The following HDAC9 variants were observed in gnomAD, a reference collection of about 807,000 sequenced individuals.
HDAC9 encodes MEF-2 interacting transcription repressor (MITR) protein.
Under a neutral mutation model 139.4 loss-of-function variants are expected in HDAC9, and 41 were observed. The observed-to-expected ratio is 0.29, with a 90% CI of 0.23 to 0.38. The LOEUF is 0.38. Among genes scored for constraint, HDAC9 ranks in the 10% least tolerant of loss-of-function variants. The probability of loss-of-function intolerance (pLI) is 1.00; values close to 1 mark genes in which losing one functional copy is unlikely to be tolerated. For synonymous variants in HDAC9, 517 were observed against 476.2 expected (o/e 1.09, Z -1.12); for missense variants, 1,147 against 1,297.0 (o/e 0.88, Z 1.78).
At chr7:18,308,776 A>G (rs1238537339) in intron 1 of HDAC9, among the ~76,000 whole-genome samples, 1 of 152,198 alleles carries the variant, frequency 6.6e-6, no homozygotes, top group Non-Finnish European at 1.5e-5. Flanking sequence ...ATTTTCTCTT[A>G]TTCTTGCTGT....
intron 16 of HDAC9, among the ~76,000 whole-genome samples, chr7:18,782,791 A>G (rs1201318705): frequency 1.3e-5 from 2 of 151,946 alleles, no homozygotes; most frequent in Non-Finnish European, 2.9e-5. Flanking sequence ...GTATTGACTG[A>G]TTGAATGCTA....
At chr7:18,823,773 G>C (rs1795165443) in intron 17 of HDAC9, among the ~76,000 whole-genome samples, 1 of 151,940 alleles carries the variant, frequency 6.6e-6, no homozygotes. Flanking sequence ...GAGCTCAGGA[G>C]TTTGAGACCA....
At chr7:18,919,167 C>T (rs986166049) in intron 22 of HDAC9, among the ~76,000 whole-genome samples, 2 of 151,980 alleles carry the variant, frequency 1.3e-5, no homozygotes, top group Non-Finnish European at 1.5e-5. Context: ...GTCAGAAGGG[C>T]GCTTATGTAT....
intron 12 of HDAC9, among the ~76,000 whole-genome samples, chr7:18,719,874 C>T (rs986531949): frequency 1.1e-4 from 17 of 152,086 alleles, no homozygotes; most frequent in Non-Finnish European, 2.2e-4. Context: ...TTACAAAGTC[C>T]TTCATGGAGG....
intron 1 of HDAC9, among the ~76,000 whole-genome samples, chr7:18,377,718 G>A (rs935814627): frequency 2.0e-5 from 3 of 152,090 alleles, no homozygotes; most frequent in African/African-American, 7.2e-5. Flanking sequence ...ATATTGAGCA[G>A]TTGTTCTGAT....
At chr7:18,564,018 G>T (rs1465802279) in intron 2 of HDAC9, among the ~76,000 whole-genome samples, 6 of 151,892 alleles carry the variant, frequency 4.0e-5, no homozygotes, top group Non-Finnish European at 8.8e-5. Flanking sequence ...TGTATTTTTA[G>T]TAGAGACAGG....
At chr7:18,745,508 A>C (rs1234710118) in intron 13 of HDAC9, among the ~76,000 whole-genome samples, 1 of 150,470 alleles carries the variant, frequency 6.6e-6, no homozygotes, top group Non-Finnish European at 1.5e-5. Context: ...AAGTTAAGCA[A>C]TGTAATGATT....
chr7:18,932,556 T>G (rs1804837999), intron 22 of HDAC9, among the ~76,000 whole-genome samples: 1 of 152,100 alleles, frequency 6.6e-6, no homozygotes, highest in African/African-American at 2.4e-5. Flanking sequence ...ACATTAATAA[T>G]CTACTGCATA....
At chr7:18,896,140 T>C (rs1431028526) in intron 22 of HDAC9, among the ~76,000 whole-genome samples, 1 of 152,064 alleles carries the variant, frequency 6.6e-6, no homozygotes, top group African/African-American at 2.4e-5. Context: ...ATATGATCTG[T>C]TGACGTTTAA....
intron 24 of HDAC9, among the ~76,000 whole-genome samples, chr7:18,956,838 C>T (rs1012407968): frequency 2.0e-5 from 3 of 152,102 alleles, no homozygotes; most frequent in Non-Finnish European, 4.4e-5. Flanking sequence ...TCAGGACTAG[C>T]TTCATGGGCA....
intron 2 of HDAC9, among the ~76,000 whole-genome samples, chr7:18,258,961 T>A: frequency 1.1e-4 from 1 of 9,518 alleles, no homozygotes; most frequent in Admixed American, 1.4e-3. Context: ...CTTTTTTTTT[T>A]TTTTTTTTTT....
chr7:18,667,178 T>A (rs1795083073), intron 12 of HDAC9: 1 of 985,254 alleles, frequency 1.0e-6, no homozygotes, highest in South Asian at 4.7e-5. Flanking sequence ...CTGCTCATTT[T>A]ACTTTTATTT....
intron 2 of HDAC9, among the ~76,000 whole-genome samples, chr7:18,180,607 GA>G (rs1335560174): frequency 6.6e-6 from 1 of 152,074 alleles, no homozygotes; most frequent in Non-Finnish European, 1.5e-5. Context: ...AAGAATACCA[GA>G]AGGAGCCAAG....
intron 16 of HDAC9, among the ~76,000 whole-genome samples, chr7:18,785,932 G>T (rs555875374): frequency 9.2e-5 from 14 of 152,034 alleles, no homozygotes; most frequent in Admixed American, 4.6e-4. Context: ...ACAGTGCCTG[G>T]ATCTTAGTAA....
intron 1 of HDAC9, among the ~76,000 whole-genome samples, chr7:18,400,669 A>G (rs563279912): frequency 3.3e-5 from 5 of 152,300 alleles, no homozygotes; most frequent in African/African-American, 7.2e-5. Flanking sequence ...CAATTTATAC[A>G]TGCAATTATG....
intron 14 of HDAC9, among the ~76,000 whole-genome samples, chr7:18,751,955 T>C (rs757725991): frequency 6.6e-6 from 1 of 152,130 alleles, no homozygotes; most frequent in Non-Finnish European, 1.5e-5. Context: ...AAGTCCATTT[T>C]TTTTTTACTA....
intron 1 of HDAC9, among the ~76,000 whole-genome samples, chr7:18,388,375 C>G (rs74551091): frequency 0.022 from 3,419 of 152,316 alleles, 69 homozygotes; most frequent in East Asian, 0.089. Context: ...GCCCCCATCC[C>G]TTCCATGTAA....
At chr7:18,556,011 T>C (rs1818685752) in intron 2 of HDAC9, among the ~76,000 whole-genome samples, 1 of 152,076 alleles carries the variant, frequency 6.6e-6, no homozygotes, top group African/African-American at 2.4e-5. Context: ...TCTTTTTATT[T>C]TCTTGAATTA....
At chr7:18,618,658 A>C (rs1254149103) in intron 6 of HDAC9, among the ~76,000 whole-genome samples, 1 of 149,760 alleles carries the variant, frequency 6.7e-6, no homozygotes. Context: ...ATATATCCAC[A>C]ATAAAATTAC....
Sources: allele counts gnomAD v4.1 joint callset (sites outside exome capture counted in the v4.1 genomes callset), GRCh38; gene constraint gnomAD v4.1.1; transcripts MANE v1.5; gene names NCBI Gene and HGNC (gene_info 2026-07-23, HGNC 2026-07-21).